The following SMOC2 variants were observed in gnomAD, a reference collection of about 807,000 sequenced individuals.
SMOC2 encodes SPARC related modular calcium binding 2, also known as SPARC-related modular calcium-binding protein 2.
A neutral mutation model predicts 61.4 loss-of-function variants in SMOC2; 39 were observed. That is an observed-to-expected ratio of 0.64 (90% CI 0.49 to 0.83). SMOC2 has a LOEUF of 0.83. Among genes scored for constraint, SMOC2 ranks in the 40% least tolerant of loss-of-function variants. The probability of loss-of-function intolerance (pLI) is 0.00; values close to 1 mark genes in which losing one functional copy is unlikely to be tolerated. For missense variants in SMOC2, 556 were observed against 592.9 expected, an observed-to-expected ratio of 0.94 and a Z score of 0.65; for synonymous variants, 247 against 239.9, an observed-to-expected ratio of 1.03 and a Z score of -0.27.
chr6:168,464,434 C>T (rs541464262), intron 1 of SMOC2, among the ~76,000 whole-genome samples: 53 of 152,158 alleles, frequency 3.5e-4, no homozygotes, highest in African/African-American at 1.1e-3. Flanking sequence ...GCAGCCTGTC[C>T]GGTGCCATTC....
intron 2 of SMOC2, among the ~76,000 whole-genome samples, chr6:168,514,125 C>G (rs1783073530): frequency 1.3e-5 from 2 of 152,156 alleles, no homozygotes. Flanking sequence ...CGACCCCACC[C>G]AGCTTCCCTA....
intron 11 of SMOC2, among the ~76,000 whole-genome samples, chr6:168,660,080 G>A (rs1391236490): frequency 3.3e-5 from 5 of 151,862 alleles, no homozygotes; most frequent in East Asian, 1.9e-4. Context: ...TGCTCCTCAC[G>A]GTCTCTGGGG....
At chr6:168,657,696 C>T (rs962997747) in intron 11 of SMOC2, among the ~76,000 whole-genome samples, 2 of 152,114 alleles carry the variant, frequency 1.3e-5, no homozygotes, top group African/African-American at 2.4e-5. Flanking sequence ...AGAGGCTGGG[C>T]AGTCCAAGAT....
At chr6:168,655,362 T>C in intron 11 of SMOC2, 1 of 455,758 alleles carries the variant, frequency 2.2e-6, no homozygotes, top group South Asian at 1.6e-5. Context: ...GAAAATACTT[T>C]TTTTTGTGGG....
intron 1 of SMOC2, among the ~76,000 whole-genome samples, chr6:168,503,503 C>A (rs992033614): frequency 6.6e-6 from 1 of 152,146 alleles, no homozygotes; most frequent in Non-Finnish European, 1.5e-5. Context: ...GGCTGGGAAG[C>A]AAATGCCCTC....
chr6:168,453,318 C>T lies in SMOC2; in HGVS notation c.84+11864C>T, dbSNP rs1365973166. On this transcript the variant is annotated intron_variant, in intron 1 of 12. Coordinates refer to ENST00000356284, the MANE Select transcript of SMOC2 (RefSeq NM_001166412.2). This position sits in a 1 kb window ranked among gnomAD's most constrained non-coding sequence, Gnocchi z 4.4. Reference sequence around the variant, plus strand: ...CCGTCACCCTGCGGCCCTGTCATTTCGGGCTGTGCCTTTGTCTCCGGGTCT... The same window carrying T: ...CCGTCACCCTGCGGCCCTGTCATTTTGGGCTGTGCCTTTGTCTCCGGGTCT... 5.3e-5 allele frequency among the ~76,000 whole-genome samples: 8 copies of T among 152,170 alleles called. No homozygotes were observed. Among genetic ancestry groups the T allele is most frequent in the Admixed American group, 2.6e-4 (4 of 15,278 alleles).
intron 9 of SMOC2, among the ~76,000 whole-genome samples, chr6:168,647,325 G>A (rs1787061168): frequency 6.6e-6 from 1 of 152,216 alleles, no homozygotes; most frequent in Admixed American, 6.5e-5. Flanking sequence ...GGCGGAGTGT[G>A]CTAGAAAGGA....
chr6:168,523,289 C>T (rs1176434188), intron 2 of SMOC2, among the ~76,000 whole-genome samples: 3 of 148,216 alleles, frequency 2.0e-5, no homozygotes, highest in Admixed American at 6.8e-5. Flanking sequence ...GGGGTTTCAC[C>T]TTGTTAGCCA....
At chr6:168,510,226 A>G in intron 2 of SMOC2, 140 bp downstream of exon 2, 1 of 730,510 alleles carries the variant, frequency 1.4e-6, no homozygotes, top group Non-Finnish European at 2.1e-6. Flanking sequence ...CATGTAAGGA[A>G]GAAGAGTAAT....
At chr6:168,637,487 C>T (rs548974007) in intron 9 of SMOC2, among the ~76,000 whole-genome samples, 16 of 152,274 alleles carry the variant, frequency 1.1e-4, no homozygotes, top group African/African-American at 3.9e-4. Flanking sequence ...GTCTTCTTAC[C>T]CAATTCTATC....
chr6:168,588,024 G>C (rs1785082401), intron 7 of SMOC2, among the ~76,000 whole-genome samples: 1 of 151,712 alleles, frequency 6.6e-6, no homozygotes, highest in South Asian at 2.1e-4. Context: ...TGAGGGGTGA[G>C]GGGTGGGGGT....
intron 9 of SMOC2, among the ~76,000 whole-genome samples, chr6:168,614,103 A>G (rs1331522854): frequency 1.0e-5 from 1 of 98,106 alleles, no homozygotes. Context: ...TCATACCTAC[A>G]GCCAGCACAT....
chr6:168,604,514 G>A (rs1453209039), intron 8 of SMOC2, among the ~76,000 whole-genome samples: 2 of 152,106 alleles, frequency 1.3e-5, no homozygotes, highest in African/African-American at 4.8e-5. Flanking sequence ...CTATTTAAAT[G>A]CCCTCTGTTC....
intron 9 of SMOC2, among the ~76,000 whole-genome samples, chr6:168,635,105 G>A (rs528297808): frequency 2.1e-4 from 32 of 152,280 alleles, no homozygotes; most frequent in African/African-American, 4.3e-4. Context: ...CTCACGCCTC[G>A]TGAGCACTTC....
intron 8 of SMOC2, among the ~76,000 whole-genome samples, chr6:168,602,711 C>A (rs1785581403): frequency 6.6e-6 from 1 of 152,142 alleles, no homozygotes; most frequent in African/African-American, 2.4e-5. Context: ...GGGTCTGGTT[C>A]CTCGTGCAAA....
At chr6:168,481,500 C>T (rs1428475907) in intron 1 of SMOC2, among the ~76,000 whole-genome samples, 1 of 151,812 alleles carries the variant, frequency 6.6e-6, no homozygotes, top group Non-Finnish European at 1.5e-5. Flanking sequence ...TAAAAACACA[C>T]AAACAGCTAT....
Position 168,527,519 on chromosome 6 carries a change from C to A in SMOC2, c.364-109C>A, listed in dbSNP as rs1001031672. On this transcript the variant is annotated intron_variant, in intron 3 of 12. Transcript: ENST00000356284. ...CAGCCACAGAAGTAGCTCTGGGTATCCCAGGACCCTGTCTGAGCCACTGCC... is the reference window on the plus strand; with the variant it reads ...CAGCCACAGAAGTAGCTCTGGGTATACCAGGACCCTGTCTGAGCCACTGCC... 1.3e-5 allele frequency: 10 copies of A among 757,244 alleles called. No homozygotes were observed. In the South Asian group the frequency reaches 1.6e-4, roughly 12 times the overall value. 46.9% of individuals were successfully genotyped at this position (757,244 alleles called of 1,614,324 possible).
chr6:168,598,706 G>A, intron 7 of SMOC2, 112 bp from the exon 8 acceptor site: 3 of 1,269,124 alleles, frequency 2.4e-6, no homozygotes, highest in East Asian at 2.3e-5. Flanking sequence ...CCTGCTCCGG[G>A]GTGAAGGAGG....
chr6:168,540,721 G>A (rs769671324), intron 4 of SMOC2, among the ~76,000 whole-genome samples: 7 of 152,166 alleles, frequency 4.6e-5, no homozygotes, highest in Non-Finnish European at 7.3e-5. Flanking sequence ...GCACAGAGAC[G>A]CCGTCTAGAC....
Sources: gnomAD v4.1 joint callset for allele counts (sites outside exome capture counted in the v4.1 genomes callset) on GRCh38, gnomAD v4.1.1 for gene constraint, Gnocchi (gnomAD v3.1) non-coding constraint, MANE v1.5 for transcripts, NCBI Gene and HGNC (gene_info 2026-07-23, HGNC 2026-07-21) for gene names.